SLMAP: variants seen among roughly 807,000 people sequenced by gnomAD.
The protein encoded by SLMAP is sarcolemmal membrane-associated protein.
A neutral mutation model predicts 128.8 loss-of-function variants in SLMAP; 44 were observed. That is an observed-to-expected ratio of 0.34 (90% CI 0.27 to 0.44). The LOEUF (loss-of-function observed/expected upper bound fraction) is 0.44, where lower values mean the gene tolerates loss of function less well. Ranked by LOEUF, SLMAP falls within the 20% of genes least tolerant of loss-of-function variation. The pLI is 1.00. For synonymous variants in SLMAP, 327 were observed against 348.8 expected (o/e 0.94, Z 0.70); for missense variants, 787 against 985.3 (o/e 0.80, Z 2.69).
chr3:57,844,496 T>C (rs570840649), intron 4 of SLMAP, among the ~76,000 whole-genome samples: 2 of 152,306 alleles, frequency 1.3e-5, no homozygotes, highest in African/African-American at 4.8e-5. Context: ...TCTTATGGTT[T>C]GTATATGCAT....
intron 2 of SLMAP, among the ~76,000 whole-genome samples, chr3:57,785,331 G>A (rs887663439): frequency 5.9e-5 from 9 of 152,082 alleles, no homozygotes; most frequent in Non-Finnish European, 1.2e-4. Flanking sequence ...TACCTTTTAT[G>A]CCCAAATCAG....
intron 17 of SLMAP, among the ~76,000 whole-genome samples, chr3:57,906,688 T>C (rs1198256494): frequency 6.8e-6 from 1 of 147,268 alleles, no homozygotes; most frequent in Non-Finnish European, 1.5e-5. Flanking sequence ...TATATATATA[T>C]ATATATATAT....
At chr3:57,861,374 T>C (rs2095053951) in intron 9 of SLMAP, among the ~76,000 whole-genome samples, 3 of 152,184 alleles carry the variant, frequency 2.0e-5, no homozygotes, top group African/African-American at 7.2e-5. Flanking sequence ...AATATAGATC[T>C]TTTCTTTGAA....
rs945147965 is a variant in SLMAP, at chr3:57,864,617, A to G, written c.1036A>G (p.Ile346Val). ...QAEKKELQHK[I>V]DEMEEKEQEL... ...TGAGAAAAAAGAATTACAACATAAA[A>G]TAGATGAAATGGAAGAAAAAGAACA... The change falls in exon 11 of 25, where the codon ATA becomes GTA. Residue 346 changes from isoleucine to valine, a missense_variant. Coordinates refer to ENST00000671191, the MANE Select transcript of SLMAP (RefSeq NM_001377540.1). 2.3e-5 allele frequency: 37 copies of G among 1,597,006 alleles called. No individual in the cohort carries two copies. The highest frequency in any genetic ancestry group is 3.0e-5 in the Non-Finnish European group (35 of 1,175,366).
In SLMAP at chr3:57,815,833, C is replaced by T. The variant is rs563248630; in HGVS notation, c.199-15550C>T. 2.0e-5 allele frequency among the ~76,000 whole-genome samples: 3 copies of T among 152,078 alleles called. No homozygotes were observed. In the South Asian group the frequency reaches 6.2e-4, roughly 32 times the overall value. On this transcript the variant is annotated intron_variant, in intron 2 of 24. Coordinates refer to ENST00000671191, the MANE Select transcript of SLMAP (RefSeq NM_001377540.1). ...AGAACCTTATTTTTAAAAACCTTTA[C>T]CATTAAAGGAAAGTCCTGAATCAGT...
intron 2 of SLMAP, 92 bp downstream of exon 2, chr3:57,757,941 G>C (rs946397286): frequency 2.3e-5 from 26 of 1,128,448 alleles, no homozygotes; most frequent in Non-Finnish European, 3.4e-5. Context: ...CAGGATCCCA[G>C]GGTTTGCATC....
chr3:57,768,638 T>C (rs1437982925), intron 2 of SLMAP, among the ~76,000 whole-genome samples: 3 of 152,166 alleles, frequency 2.0e-5, no homozygotes, highest in Non-Finnish European at 4.4e-5. Flanking sequence ...TTTATGTCAG[T>C]GTGGCTAGGC....
chr3:57,842,550 G>C (rs2093988450), intron 4 of SLMAP, among the ~76,000 whole-genome samples: 1 of 152,036 alleles, frequency 6.6e-6, no homozygotes, highest in Non-Finnish European at 1.5e-5. Flanking sequence ...TAAAGACCTT[G>C]ATGTTTGTAT....
At chr3:57,891,564 T>G (rs1397202683) in intron 15 of SLMAP, among the ~76,000 whole-genome samples, 1 of 149,842 alleles carries the variant, frequency 6.7e-6, no homozygotes, top group African/African-American at 2.4e-5. Context: ...ATTCCACTTT[T>G]GGGTTTTTAA....
rs893490852 is a variant in SLMAP, at chr3:57,822,859, A to T, written c.199-8524A>T. 9.9e-5 allele frequency among the ~76,000 whole-genome samples: 15 copies of T among 152,224 alleles called. No homozygotes were observed. The South Asian group carries it at 2.7e-3, about 27-fold the overall frequency. On this transcript the variant is annotated intron_variant, in intron 2 of 24. Coordinates refer to ENST00000671191, the MANE Select transcript of SLMAP (RefSeq NM_001377540.1). ...CTTATTGGATCCAGGCACTTAAGGAAATCTGTGTTAGGTCACTGGATGACT... is the reference window on the plus strand; with the variant it reads ...CTTATTGGATCCAGGCACTTAAGGATATCTGTGTTAGGTCACTGGATGACT...
chr3:57,797,494 A>C (rs2087048109), intron 2 of SLMAP, among the ~76,000 whole-genome samples: 1 of 151,996 alleles, frequency 6.6e-6, no homozygotes, highest in East Asian at 1.9e-4. Flanking sequence ...CAAAAAAAAA[A>C]AAAAAGTACG....
chr3:57,773,936 AT>A (rs2081350149), intron 2 of SLMAP, among the ~76,000 whole-genome samples: 1 of 152,226 alleles, frequency 6.6e-6, no homozygotes, highest in South Asian at 2.1e-4. Flanking sequence ...CAGTAAGCTC[AT>A]TTAAATACTA....
intron 1 of SLMAP, 102 bp from the exon 2 acceptor site, chr3:57,756,446 C>CT (rs1272065298): frequency 2.6e-5 from 4 of 152,714 alleles, no homozygotes; most frequent in African/African-American, 9.6e-5. Context: ...GAGGTCGTGC[C>CT]TAGCGGTGTG....
intron 17 of SLMAP, chr3:57,900,797 ACT>A (rs760118053): frequency 6.6e-6 from 1 of 152,114 alleles, no homozygotes; most frequent in South Asian, 2.1e-4. Context: ...ACAGAGCAAG[ACT>A]CTGTCTCAAA....
chr3:57,917,213 CTGCT>C (rs2096831173), intron 22 of SLMAP, 136 bp downstream of exon 22: 2 of 1,526,330 alleles, frequency 1.3e-6, no homozygotes, highest in Middle Eastern at 3.4e-4. Flanking sequence ...TGGAACATCT[CTGCT>C]TGGTGATTTC....
intron 2 of SLMAP, among the ~76,000 whole-genome samples, chr3:57,793,142 C>T (rs1448142937): frequency 6.6e-6 from 1 of 151,610 alleles, no homozygotes; most frequent in Non-Finnish European, 1.5e-5. Flanking sequence ...TAAGAAAACC[C>T]AAAAAATCCT....
intron 2 of SLMAP, among the ~76,000 whole-genome samples, chr3:57,825,322 T>C (rs1319276039): frequency 1.3e-5 from 2 of 152,014 alleles, no homozygotes; most frequent in African/African-American, 4.8e-5. Context: ...TTGATCTCAA[T>C]GGGGAATGCT....
Position 57,766,494 on chromosome 3 carries a change from G to A in SLMAP, c.198+8645G>A, listed in dbSNP as rs76191299. ...AAGAAAAATGGTGGCATTTATTAGCGGCTGAAACGTTCTAAGTTTACAGTC... is the reference window on the plus strand; with the variant it reads ...AAGAAAAATGGTGGCATTTATTAGCAGCTGAAACGTTCTAAGTTTACAGTC... On this transcript the variant is annotated intron_variant, in intron 2 of 24. Transcript: ENST00000671191. Among the ~76,000 whole-genome samples the A allele has an allele frequency of 1.1e-4, 16 of 152,112 alleles. No individual in the cohort carries two copies. In the East Asian group the frequency reaches 2.9e-3, roughly 28 times the overall value.
At chr3:57,853,193 T>C (rs544787968) in intron 6 of SLMAP, among the ~76,000 whole-genome samples, 20 of 152,342 alleles carry the variant, frequency 1.3e-4, no homozygotes, top group Admixed American at 4.6e-4. Flanking sequence ...ATGTTAGGAA[T>C]GTTTTAGGAA....
Sources: allele counts gnomAD v4.1 joint callset (sites outside exome capture counted in the v4.1 genomes callset), GRCh38; gene constraint gnomAD v4.1.1; transcripts MANE v1.5; gene names NCBI Gene and HGNC (gene_info 2026-07-23, HGNC 2026-07-21).